TENM2: variants seen among roughly 807,000 people sequenced by gnomAD.
The protein encoded by TENM2 is teneurin transmembrane protein 2, also known as teneurin-2.
Under a neutral mutation model 245.2 loss-of-function variants are expected in TENM2, and 52 were observed. The observed-to-expected ratio is 0.21, with a 90% CI of 0.17 to 0.27. The LOEUF (loss-of-function observed/expected upper bound fraction) is 0.27. Ranked by LOEUF, TENM2 falls within the 10% of genes least tolerant of loss-of-function variation. The pLI is 1.00. For missense variants in TENM2, 3,046 were observed against 3,666.8 expected (o/e 0.83, Z 4.37); for synonymous variants, 1,363 against 1,438.9 (o/e 0.95, Z 1.19).
chr5:167,666,645 T>G (rs1380166), intron 2 of TENM2, among the ~76,000 whole-genome samples: 1 of 152,080 alleles, frequency 6.6e-6, no homozygotes, highest in Non-Finnish European at 1.5e-5. Context: ...CTTCATATAT[T>G]ACTAGCTTTT....
intron 25 of TENM2, among the ~76,000 whole-genome samples, chr5:168,233,812 T>C (rs939900433): frequency 6.6e-6 from 1 of 152,190 alleles, no homozygotes; most frequent in Non-Finnish European, 1.5e-5. Context: ...CAAAAGGCAC[T>C]TCTTACTTGA....
At chr5:167,229,115 T>C in the TENM2 span, among the ~76,000 whole-genome samples, 1 of 152,326 alleles carries the variant, frequency 6.6e-6, no homozygotes, top group South Asian at 2.1e-4. Context: ...TGAAGTGGTG[T>C]AGACTCTGTA....
intron 2 of TENM2, among the ~76,000 whole-genome samples, chr5:167,530,645 G>A (rs549234660): frequency 6.6e-6 from 1 of 152,286 alleles, no homozygotes; most frequent in African/African-American, 2.4e-5. Context: ...CTGTGAGCAC[G>A]GAGCCATCGG....
intron 2 of TENM2, among the ~76,000 whole-genome samples, chr5:167,519,812 A>G (rs1355941633): frequency 6.6e-6 from 1 of 152,108 alleles, no homozygotes; most frequent in Non-Finnish European, 1.5e-5. Context: ...AACACACACA[A>G]ACATCTCTAC....
chr5:167,405,740 A>T (rs566676710), intron 2 of TENM2, among the ~76,000 whole-genome samples: 2 of 148,890 alleles, frequency 1.3e-5, no homozygotes, highest in African/African-American at 5.0e-5. Flanking sequence ...TTTACCTTAG[A>T]TATAGTGCAA....
chr5:168,249,453 G>GGTGTGTGTGTGTGT (rs3084277), intron 27 of TENM2, among the ~76,000 whole-genome samples: 3,430 of 148,878 alleles, frequency 0.023, 124 homozygotes, highest in African/African-American at 0.072. Flanking sequence ...GTTCTCTCAA[G>GGTGTGTGTGTGTGT]GTGTGTGTGT....
chr5:167,174,596 C>T, the TENM2 span, among the ~76,000 whole-genome samples: 1 of 151,948 alleles, frequency 6.6e-6, no homozygotes, highest in Non-Finnish European at 1.5e-5. Flanking sequence ...GTTTTGATAT[C>T]TGTATATATA....
chr5:166,983,597 T>A, the TENM2 span, among the ~76,000 whole-genome samples: 1 of 152,148 alleles, frequency 6.6e-6, no homozygotes, highest in Non-Finnish European at 1.5e-5. Flanking sequence ...TAAAGATTTT[T>A]TTCTACTGAA....
intron 4 of TENM2, among the ~76,000 whole-genome samples, chr5:167,992,062 C>A (rs986975628): frequency 1.3e-5 from 2 of 151,238 alleles, no homozygotes; most frequent in African/African-American, 4.9e-5. Context: ...TAAGTGGGAG[C>A]TAAGCTATGA....
At chr5:167,557,319 T>C (rs1773320033) in intron 2 of TENM2, among the ~76,000 whole-genome samples, 3 of 152,222 alleles carry the variant, frequency 2.0e-5, no homozygotes, top group Non-Finnish European at 1.5e-5. Context: ...TTGTGGAGAC[T>C]TCCTCTTCTA....
At chr5:167,065,467 A>C in the TENM2 span, among the ~76,000 whole-genome samples, 1 of 152,148 alleles carries the variant, frequency 6.6e-6, no homozygotes, top group African/African-American at 2.4e-5. Flanking sequence ...AATGGCCTGC[A>C]TTGAGTCACT....
At chr5:168,232,991 G>A (rs140952532) in intron 25 of TENM2, among the ~76,000 whole-genome samples, 126 of 152,188 alleles carry the variant, frequency 8.3e-4, no homozygotes, top group African/African-American at 2.6e-3. Flanking sequence ...CCTCCTTCCC[G>A]CATTGTCCTC....
intron 12 of TENM2, among the ~76,000 whole-genome samples, chr5:168,130,609 G>T (rs1338990744): frequency 2.6e-5 from 4 of 152,116 alleles, no homozygotes; most frequent in African/African-American, 9.7e-5. Flanking sequence ...GTTAATACTG[G>T]GACCTAGGCC....
At chr5:167,108,236 A>G in the TENM2 span, among the ~76,000 whole-genome samples, 1 of 152,040 alleles carries the variant, frequency 6.6e-6, no homozygotes, top group Non-Finnish European at 1.5e-5. Context: ...AGTGATTCTC[A>G]TGCCTCAGTG....
intron 2 of TENM2, among the ~76,000 whole-genome samples, chr5:167,761,913 C>T (rs529922374): frequency 6.6e-6 from 1 of 152,288 alleles, no homozygotes; most frequent in East Asian, 1.9e-4. Flanking sequence ...CCAGCAATAT[C>T]GCTGATTGAA....
intron 2 of TENM2, among the ~76,000 whole-genome samples, chr5:167,820,812 G>A (rs1767464826): frequency 6.6e-6 from 1 of 152,174 alleles, no homozygotes; most frequent in South Asian, 2.1e-4. Context: ...AACCCCAAAT[G>A]AAGTCCTGCA....
intron 2 of TENM2, among the ~76,000 whole-genome samples, chr5:167,712,393 G>T (rs1420718361): frequency 6.6e-6 from 1 of 152,146 alleles, no homozygotes; most frequent in Non-Finnish European, 1.5e-5. Flanking sequence ...ATATGAAAAT[G>T]TGAGAAAAAC....
At chr5:167,081,655 C>T in the TENM2 span, among the ~76,000 whole-genome samples, 65 of 152,236 alleles carry the variant, frequency 4.3e-4, no homozygotes, top group Admixed American at 3.3e-4. Context: ...ATAAGGCCTG[C>T]TTATTGAGGG....
At chr5:167,549,017 C>G (rs906028224) in intron 2 of TENM2, among the ~76,000 whole-genome samples, 1 of 152,226 alleles carries the variant, frequency 6.6e-6, no homozygotes, top group Non-Finnish European at 1.5e-5. Context: ...TTCTCCTTCT[C>G]CTTTCTCTCT....
Sources: gnomAD v4.1 joint callset for allele counts (sites outside exome capture counted in the v4.1 genomes callset) on GRCh38, gnomAD v4.1.1 for gene constraint, MANE v1.5 for transcripts, NCBI Gene and HGNC (gene_info 2026-07-23, HGNC 2026-07-21) for gene names.